Variants in PRSS23 observed in about 807,000 individuals in gnomAD.
The protein encoded by PRSS23 is serine protease 23.
In PRSS23, 25 loss-of-function variants were observed where a neutral mutation model predicts 34.7. The ratio of observed to expected loss-of-function variants is 0.72; its 90% CI spans 0.53 to 1.01. The LOEUF is 1.01. PRSS23 is among the 50% of genes least tolerant of loss of function. PRSS23 has a pLI of 0.00. For missense variants in PRSS23, 445 were observed against 475.6 expected (o/e 0.94, Z 0.60); for synonymous variants, 176 against 186.6 (o/e 0.94, Z 0.46).
At chr11:86,827,775 T>A (rs1217497074) in intron 2 of PRSS23, among the ~76,000 whole-genome samples, 1 of 152,194 alleles carries the variant, frequency 6.6e-6, no homozygotes, top group African/African-American at 2.4e-5. Flanking sequence ...CAGGAGCAGG[T>A]TGTTCAGTTT....
chr11:86,833,245 C>A, intron 2 of PRSS23: 1 of 1,573,540 alleles, frequency 6.4e-7, no homozygotes. Flanking sequence ...GGAGGTGAAA[C>A]CGATGTCAGC....
At chr11:86,952,506 A>AT in exon 3 of PRSS23, 2 of 1,603,982 alleles carry the variant, frequency 1.2e-6, no homozygotes, top group Non-Finnish European at 1.7e-6. Flanking sequence ...CACAAAAAAA[A>AT]CAATGACTTG....
chr11:86,878,492 T>C (rs1320710820), intron 2 of PRSS23, among the ~76,000 whole-genome samples: 2 of 152,154 alleles, frequency 1.3e-5, no homozygotes, highest in Non-Finnish European at 2.9e-5. Flanking sequence ...CTCCAGCTCC[T>C]AACCGCGAGT....
chr11:86,808,856 A>G lies in PRSS23; in HGVS notation c.*61A>G. 2 of 1,462,430 alleles carry G rather than the reference A, an allele frequency of 1.4e-6. No homozygotes were observed. The highest frequency in any genetic ancestry group is 1.9e-6 in the Non-Finnish European group (2 of 1,076,068). 90.6% of individuals were successfully genotyped at this position (1,462,430 alleles called of 1,614,324 possible). On this transcript the variant is annotated 3_prime_UTR_variant, in exon 2 of 2. Coordinates refer to ENST00000280258, the MANE Select transcript of PRSS23 (RefSeq NM_007173.6). ...CATGTTCTTATTTTAGGAGAGGCCAAATTGTTTTTTGTCATTGGCGTGCAC... is the reference window on the plus strand; with the variant it reads ...CATGTTCTTATTTTAGGAGAGGCCAGATTGTTTTTTGTCATTGGCGTGCAC...
intron 2 of PRSS23, chr11:86,948,470 A>C (rs1949262796): frequency 6.6e-6 from 1 of 152,208 alleles, no homozygotes; most frequent in Admixed American, 6.5e-5. Context: ...TCAGCCACAA[A>C]GTTCTTTTCC....
intron 2 of PRSS23, among the ~76,000 whole-genome samples, chr11:86,834,104 G>C (rs1402707752): frequency 6.6e-6 from 1 of 152,208 alleles, no homozygotes; most frequent in Non-Finnish European, 1.5e-5. Flanking sequence ...TACAGGGATT[G>C]AAATGTATGG....
At chr11:86,800,523 G>A, upstream of PRSS23, 1 of 984,528 alleles carries the variant, frequency 1.0e-6, no homozygotes, top group Non-Finnish European at 1.2e-6. Flanking sequence ...AGCTGCCTGC[G>A]CTGCTCGCCA....
chr11:86,857,396 T>C (rs1948579613), intron 2 of PRSS23: 1 of 277,006 alleles, frequency 3.6e-6, no homozygotes, highest in African/African-American at 2.3e-5. Flanking sequence ...AATATAGGGA[T>C]ATCTAAAATA....
intron 2 of PRSS23, among the ~76,000 whole-genome samples, chr11:86,879,762 G>T (rs1948758422): frequency 7.1e-6 from 1 of 140,642 alleles, no homozygotes; most frequent in East Asian, 2.2e-4. Flanking sequence ...GCCCCGTCCG[G>T]GAGGGAGGTG....
chr11:86,857,827 A>T, intron 2 of PRSS23: 1 of 655,342 alleles, frequency 1.5e-6, no homozygotes, highest in South Asian at 1.4e-5. Context: ...CAGGTTGGAG[A>T]GGAAGAAGTA....
chr11:86,852,373 A>G (rs538825717), intron 2 of PRSS23, among the ~76,000 whole-genome samples: 1 of 152,086 alleles, frequency 6.6e-6, no homozygotes, highest in African/African-American at 2.4e-5. Flanking sequence ...AAATTCCCCA[A>G]CTTCTAAGGA....
chr11:86,839,941 C>G (rs564116988), intron 2 of PRSS23, among the ~76,000 whole-genome samples: 1 of 151,314 alleles, frequency 6.6e-6, no homozygotes, highest in South Asian at 2.1e-4. Flanking sequence ...TACAAGAGCT[C>G]CTGAAGGAAG....
At chr11:86,864,670 GATTT>G (rs144440585) in intron 2 of PRSS23, among the ~76,000 whole-genome samples, 17,146 of 152,242 alleles carry the variant, frequency 0.11, 1,251 homozygotes, top group Non-Finnish European at 0.16. Context: ...ATGCAAGACT[GATTT>G]ATTATCTTAC....
At chr11:86,842,307 C>G (rs993761958) in intron 2 of PRSS23, among the ~76,000 whole-genome samples, 1 of 152,162 alleles carries the variant, frequency 6.6e-6, no homozygotes, top group Non-Finnish European at 1.5e-5. Flanking sequence ...CTATTTATGA[C>G]AAACCCACAG....
chr11:86,935,200 C>G (rs936281714), intron 2 of PRSS23: 3 of 152,240 alleles, frequency 2.0e-5, no homozygotes, highest in Non-Finnish European at 4.4e-5. Flanking sequence ...AGTCACCTGA[C>G]TTCTCTAGGC....
chr11:86,940,380 C>T (rs547455088), intron 2 of PRSS23, among the ~76,000 whole-genome samples: 11 of 152,294 alleles, frequency 7.2e-5, no homozygotes, highest in African/African-American at 2.6e-4. Context: ...AGATTCGGCT[C>T]ATTGACCAGA....
intron 2 of PRSS23, among the ~76,000 whole-genome samples, chr11:86,862,372 G>C (rs1948622257): frequency 6.6e-6 from 1 of 150,388 alleles, no homozygotes. Context: ...GTTCACCCTG[G>C]GATATTATTG....
At position 86,949,320 on chromosome 11, in the gene PRSS23, A is replaced by G. The variant is rs1407304499; in HGVS notation, c.207-1896A>G. ...GGCATAAGGCTCAAACCAAATTTTT[A>G]AAAAAGAGGAAATGCTTACTTCCAG... On this transcript the variant is annotated intron_variant, in intron 2 of 2. Transcript: ENST00000533902. 6 of 152,310 alleles carry G rather than the reference A, an allele frequency of 3.9e-5. No individual in the cohort carries two copies. In the East Asian group the frequency reaches 1.2e-3, roughly 29 times the overall value. The allele number at this position is 152,310 out of a possible 1,614,324, so 9.4% of individuals were successfully genotyped here. A position where few individuals can be genotyped will look rare whatever the true frequency, so the allele number is the denominator to read the frequency against.
At chr11:86,887,413 CA>C (rs11325675) in intron 2 of PRSS23, among the ~76,000 whole-genome samples, 73,729 of 138,056 alleles carry the variant, frequency 0.53, 18,915 homozygotes, top group Non-Finnish European at 0.56. Context: ...CAAAACAAAA[CA>C]AAAAAAAAAA....
Sources: allele counts gnomAD v4.1 joint callset (sites outside exome capture counted in the v4.1 genomes callset), GRCh38; gene constraint gnomAD v4.1.1; transcripts MANE v1.5; gene names NCBI Gene and HGNC (gene_info 2026-07-23, HGNC 2026-07-21).